The following NRG3 variants were observed in gnomAD, a reference collection of about 807,000 sequenced individuals.
The protein encoded by NRG3 is pro-neuregulin-3, membrane-bound isoform.
NRG3 carries 31 observed loss-of-function variants against 66.9 expected under a neutral mutation model. That is an observed-to-expected ratio of 0.46 (90% CI 0.35 to 0.63). The LOEUF is 0.63. Ranked by LOEUF, NRG3 falls within the 20% of genes least tolerant of loss-of-function variation. The pLI is 0.00. For synonymous variants in NRG3, 393 were observed against 359.4 expected, an observed-to-expected ratio of 1.09 and a Z score of -1.06; for missense variants, 910 against 878.9, an observed-to-expected ratio of 1.04 and a Z score of -0.45.
At chr10:82,247,986 A>G (rs2077319288) in intron 1 of NRG3, among the ~76,000 whole-genome samples, 2 of 152,172 alleles carry the variant, frequency 1.3e-5, no homozygotes, top group Admixed American at 1.3e-4. Flanking sequence ...ACTTAACTCC[A>G]TCAGAATTTT....
intron 1 of NRG3, among the ~76,000 whole-genome samples, chr10:81,945,912 CACCAAAGA>C (rs1848801768): frequency 6.6e-6 from 1 of 152,114 alleles, no homozygotes. Context: ...AGCCAGGAAA[CACCAAAGA>C]TTTGCAGGAA....
At chr10:82,267,821 TTC>T (rs1306848907) in intron 1 of NRG3, among the ~76,000 whole-genome samples, 1 of 152,148 alleles carries the variant, frequency 6.6e-6, no homozygotes, top group African/African-American at 2.4e-5. Flanking sequence ...AGAAGGTGAA[TTC>T]TCTCACTACA....
At chr10:81,968,600 G>T (rs2059816711) in intron 1 of NRG3, among the ~76,000 whole-genome samples, 1 of 152,178 alleles carries the variant, frequency 6.6e-6, no homozygotes, top group South Asian at 2.1e-4. Flanking sequence ...TTACGTAGTG[G>T]TATTTCCAAG....
At chr10:82,708,336 A>T (rs1318858884) in intron 2 of NRG3, among the ~76,000 whole-genome samples, 1 of 152,052 alleles carries the variant, frequency 6.6e-6, no homozygotes, top group Non-Finnish European at 1.5e-5. Flanking sequence ...TAGGTGCAGG[A>T]GGTACAGGTG....
chr10:82,857,465 G>A (rs1229103358), intron 3 of NRG3, among the ~76,000 whole-genome samples: 1 of 152,136 alleles, frequency 6.6e-6, no homozygotes, highest in East Asian at 1.9e-4. Context: ...ATAATGTCGT[G>A]ACCTACTCTC....
intron 2 of NRG3, among the ~76,000 whole-genome samples, chr10:82,405,018 T>C (rs909188125): frequency 6.6e-6 from 1 of 151,698 alleles, no homozygotes; most frequent in African/African-American, 2.4e-5. Flanking sequence ...GGGTCTAGAG[T>C]GGTGAGAGAA....
chr10:82,198,423 A>G (rs902761129), intron 1 of NRG3, among the ~76,000 whole-genome samples: 7 of 152,188 alleles, frequency 4.6e-5, no homozygotes, highest in African/African-American at 9.6e-5. Flanking sequence ...AGGAAAGAAG[A>G]TAAATTCTTT....
At chr10:82,347,437 T>G (rs1314044717) in intron 1 of NRG3, among the ~76,000 whole-genome samples, 1 of 152,128 alleles carries the variant, frequency 6.6e-6, no homozygotes, top group Non-Finnish European at 1.5e-5. Flanking sequence ...AGAGACAGTT[T>G]GTTATAATCT....
At chr10:82,177,494 GT>G (rs1308117537) in intron 1 of NRG3, among the ~76,000 whole-genome samples, 24 of 152,154 alleles carry the variant, frequency 1.6e-4, no homozygotes, top group Non-Finnish European at 2.1e-4. Flanking sequence ...TTGAAAAGAA[GT>G]TTTTTATGTG....
At chr10:82,656,618 C>G (rs1354974743) in intron 2 of NRG3, among the ~76,000 whole-genome samples, 3 of 152,036 alleles carry the variant, frequency 2.0e-5, no homozygotes, top group African/African-American at 4.8e-5. Context: ...TGCAATCCAC[C>G]TGTCTGAACC....
chr10:82,793,065 T>G (rs1345997340), intron 3 of NRG3, among the ~76,000 whole-genome samples: 2 of 152,104 alleles, frequency 1.3e-5, no homozygotes, highest in East Asian at 3.9e-4. Flanking sequence ...CTCTTGGGTT[T>G]TTTATTTTGG....
At chr10:82,920,846 A>C (rs1259230759) in intron 4 of NRG3, among the ~76,000 whole-genome samples, 1 of 152,206 alleles carries the variant, frequency 6.6e-6, no homozygotes, top group Non-Finnish European at 1.5e-5. Flanking sequence ...CCAGTGTATT[A>C]AATGGAAATC....
At chr10:82,950,441 T>A (rs191473497) in intron 4 of NRG3, among the ~76,000 whole-genome samples, 2 of 152,268 alleles carry the variant, frequency 1.3e-5, no homozygotes, top group East Asian at 1.9e-4. Flanking sequence ...ATTAGATGAC[T>A]ACTTAAGCTC....
chr10:82,899,051 C>T (rs1035469860), intron 4 of NRG3, among the ~76,000 whole-genome samples: 2 of 152,068 alleles, frequency 1.3e-5, no homozygotes, highest in Non-Finnish European at 2.9e-5. Context: ...GAATTATTGG[C>T]AGGTGACCAA....
chr10:82,651,815 T>C (rs561412271), intron 2 of NRG3, among the ~76,000 whole-genome samples: 1 of 152,304 alleles, frequency 6.6e-6, no homozygotes, highest in Admixed American at 6.5e-5. Flanking sequence ...TATCAGTAGT[T>C]CCAAGGTAAA....
intron 1 of NRG3, among the ~76,000 whole-genome samples, chr10:81,911,481 C>T (rs974053869): frequency 1.3e-5 from 2 of 151,974 alleles, no homozygotes; most frequent in African/African-American, 4.8e-5. Context: ...TGGAAATGCC[C>T]TCTCGACAGT....
At chr10:82,390,733 ACTT>A (rs1589956634) in intron 2 of NRG3, among the ~76,000 whole-genome samples, 2 of 152,208 alleles carry the variant, frequency 1.3e-5, no homozygotes, top group South Asian at 2.1e-4. Context: ...GAATTCATCT[ACTT>A]CTCTGCAGAA....
intron 1 of NRG3, among the ~76,000 whole-genome samples, chr10:81,933,040 A>C (rs1426790466): frequency 6.6e-6 from 1 of 150,756 alleles, no homozygotes; most frequent in Non-Finnish European, 1.5e-5. Context: ...CCCGGGAGGC[A>C]GAGGTTGCAG....
chr10:82,019,894 T>A (rs1032609136), intron 1 of NRG3, among the ~76,000 whole-genome samples: 1 of 151,958 alleles, frequency 6.6e-6, no homozygotes, highest in Non-Finnish European at 1.5e-5. Flanking sequence ...ACCAGCTCCT[T>A]GATTCATTGA....
Sources: gnomAD v4.1 joint callset for allele counts (sites outside exome capture counted in the v4.1 genomes callset) on GRCh38, gnomAD v4.1.1 for gene constraint, MANE v1.5 for transcripts, NCBI Gene and HGNC (gene_info 2026-07-23, HGNC 2026-07-21) for gene names.